The following CACNA2D2 variants were observed in gnomAD, a reference collection of about 807,000 sequenced individuals.
The protein encoded by CACNA2D2 is voltage-dependent calcium channel subunit alpha-2/delta-2.
In CACNA2D2, 48 loss-of-function variants were observed where a neutral mutation model predicts 166.4. The ratio of observed to expected loss-of-function variants is 0.29; its 90% confidence interval spans 0.23 to 0.37. CACNA2D2 has a LOEUF of 0.37. CACNA2D2 is among the 10% of genes least tolerant of loss of function. The pLI is 1.00. For synonymous variants in CACNA2D2, 561 were observed against 573.7 expected (o/e 0.98, Z 0.32); for missense variants, 1,122 against 1,433.0 (o/e 0.78, Z 3.50).
intron 2 of CACNA2D2, among the ~76,000 whole-genome samples, chr3:50,465,165 C>T (rs922109645): frequency 1.3e-5 from 2 of 152,164 alleles, no homozygotes; most frequent in African/African-American, 2.4e-5. Flanking sequence ...TGCAGCTGCC[C>T]GGGAGGTGGC....
chr3:50,444,747 T>A (rs1472783294), intron 2 of CACNA2D2, among the ~76,000 whole-genome samples: 2 of 152,096 alleles, frequency 1.3e-5, no homozygotes. Flanking sequence ...AAACATGAGA[T>A]CTTAGCATGG....
intron 1 of CACNA2D2, among the ~76,000 whole-genome samples, chr3:50,487,941 G>A (rs1310515221): frequency 3.3e-5 from 5 of 152,168 alleles, no homozygotes; most frequent in African/African-American, 7.2e-5. Flanking sequence ...ATGCAGGCCT[G>A]TCCTTGGGAG....
At chr3:50,373,048 G>A (rs1162257288) in intron 22 of CACNA2D2, 2 of 1,533,954 alleles carry the variant, frequency 1.3e-6, no homozygotes, top group East Asian at 2.5e-5. Flanking sequence ...GGGTGCACTG[G>A]TTCTGAATAT....
At chr3:50,482,132 T>A (rs967745748) in intron 1 of CACNA2D2, among the ~76,000 whole-genome samples, 1 of 152,144 alleles carries the variant, frequency 6.6e-6, no homozygotes, top group Non-Finnish European at 1.5e-5. Context: ...AGCAGGCCAC[T>A]CCCCCATCCC....
chr3:50,467,830 G>A (rs147416698), intron 2 of CACNA2D2, among the ~76,000 whole-genome samples: 43 of 152,306 alleles, frequency 2.8e-4, no homozygotes, highest in African/African-American at 8.4e-4. Flanking sequence ...TTATGGCTCC[G>A]TAACTTTCTC....
At chr3:50,417,077 G>A (rs1442472485) in intron 3 of CACNA2D2, among the ~76,000 whole-genome samples, 1 of 152,208 alleles carries the variant, frequency 6.6e-6, no homozygotes, top group Non-Finnish European at 1.5e-5. Flanking sequence ...ACTTGTGGGT[G>A]CCTGAAGCAT....
chr3:50,442,583 G>A (rs551089661), intron 2 of CACNA2D2, among the ~76,000 whole-genome samples: 2 of 152,294 alleles, frequency 1.3e-5, no homozygotes, highest in Non-Finnish European at 2.9e-5. Flanking sequence ...ACTGCTGAGT[G>A]GCACTCAGAC....
At chr3:50,468,315 G>T (rs1337612786) in intron 2 of CACNA2D2, among the ~76,000 whole-genome samples, 1 of 150,838 alleles carries the variant, frequency 6.6e-6, no homozygotes, top group African/African-American at 2.4e-5. Flanking sequence ...CTGATCTCCC[G>T]CTGTCCTGCT....
chr3:50,396,618 T>G (rs1033131731), intron 3 of CACNA2D2, among the ~76,000 whole-genome samples: 9 of 152,176 alleles, frequency 5.9e-5, no homozygotes, highest in Non-Finnish European at 1.3e-4. Context: ...ACTGTGTGAC[T>G]TGTACGGTTC....
At position 50,379,303 on chromosome 3, in the gene CACNA2D2, A is replaced by G. The variant is rs1033270222; in HGVS notation, c.1153-104T>C. The stretch of plus-strand genomic sequence containing the variant: ...TGGACCTCTGGCCCTCCTCCCCCAC[A>G]GCAGATGGAGCTATCTGTCCAAGCT... On this transcript the variant is annotated intron_variant, in intron 11 of 37. Coordinates refer to ENST00000424201, the MANE Select transcript of CACNA2D2 (RefSeq NM_006030.4). This position sits in a 1 kb window ranked among gnomAD's most constrained non-coding sequence, Gnocchi z 6.5. 7.0e-7 allele frequency: 1 copy of G among 1,434,446 alleles called. No individual in the cohort carries two copies. The highest frequency in any genetic ancestry group is 1.4e-5 in the African/African-American group (1 of 71,244). 88.9% of individuals were successfully genotyped at this position (1,434,446 alleles called of 1,614,324 possible).
chr3:50,422,480 T>A (rs1438545637), intron 3 of CACNA2D2, among the ~76,000 whole-genome samples: 1 of 152,166 alleles, frequency 6.6e-6, no homozygotes, highest in Non-Finnish European at 1.5e-5. Context: ...TTTCACAGAA[T>A]CTCAAAGTGG....
chr3:50,485,383 T>C (rs1698234442), intron 1 of CACNA2D2, among the ~76,000 whole-genome samples: 1 of 152,190 alleles, frequency 6.6e-6, no homozygotes, highest in Non-Finnish European at 1.5e-5. Flanking sequence ...TTCAAACTGC[T>C]CCAGCAGCAA....
At chr3:50,473,512 C>G (rs562097709) in intron 2 of CACNA2D2, among the ~76,000 whole-genome samples, 1 of 152,342 alleles carries the variant, frequency 6.6e-6, no homozygotes, top group Non-Finnish European at 1.5e-5. Context: ...AGGGGCAGCC[C>G]CACTGGGGGC....
chr3:50,363,610 G>C lies in CACNA2D2; in HGVS notation c.*1056C>G, dbSNP rs1704048617. 1 of 240,544 alleles carries C rather than the reference G, an allele frequency of 4.2e-6. No individual in the cohort carries two copies. The highest frequency in any genetic ancestry group is 2.2e-5 in the African/African-American group (1 of 44,704). The allele number at this position is 240,544 out of a possible 1,614,324, so 14.9% of individuals were successfully genotyped here. A position where few individuals can be genotyped will look rare whatever the true frequency, so the allele number is the denominator to read the frequency against. Reference sequence around the variant, plus strand: ...TAAGGGCCAGATTGGCGGAAGGATGGCCCAGCCAGGAGAGACAAAGTCACC... The same window carrying C: ...TAAGGGCCAGATTGGCGGAAGGATGCCCCAGCCAGGAGAGACAAAGTCACC... On this transcript the variant is annotated 3_prime_UTR_variant, in exon 38 of 38. Transcript: ENST00000424201.
At chr3:50,410,403 G>A (rs991689722) in intron 3 of CACNA2D2, among the ~76,000 whole-genome samples, 1 of 152,136 alleles carries the variant, frequency 6.6e-6, no homozygotes, top group Non-Finnish European at 1.5e-5. Flanking sequence ...AGGCAGTGAG[G>A]CTAAGCACAG....
rs908859287 is a variant in CACNA2D2 at position 50,387,403 on chromosome 3, G to C, written c.510+165C>G. 3.9e-5 allele frequency among the ~76,000 whole-genome samples: 6 copies of C among 152,198 alleles called. No homozygotes were observed. In the East Asian group the frequency reaches 7.7e-4, roughly 20 times the overall value. On this transcript the variant is annotated intron_variant, in intron 5 of 37. Coordinates refer to ENST00000424201, the MANE Select transcript of CACNA2D2 (RefSeq NM_006030.4). ...AGTGCACAGAGATGCAGCCCTGGAG[G>C]GGTCCGGACTTCTAGGGAGTTGTGG...
chr3:50,482,589 G>A (rs1345776037), intron 1 of CACNA2D2, among the ~76,000 whole-genome samples: 2 of 152,172 alleles, frequency 1.3e-5, no homozygotes, highest in African/African-American at 4.8e-5. Flanking sequence ...CACACTCATG[G>A]CACACAGGTC....
Position 50,476,146 on chromosome 3 carries a change from A to C in CACNA2D2, c.260T>G (p.Ile87Ser), listed in dbSNP as rs369985959. 3.7e-6 allele frequency: 6 copies of C among 1,603,072 alleles called. No individual in the cohort carries two copies. In the African/African-American group the frequency reaches 6.7e-5, roughly 18 times the overall value. ...ACGGAGCTGCTGGACGCCTCCAAAA[A>C]TCCGCATCACGCCGTCGACCTCCTG... ...LEQEVDGVMRIFGGVQQLREI... is the reference protein window; with the variant it reads ...LEQEVDGVMRSFGGVQQLREI... The change falls in exon 2 of 38, where the codon ATT becomes AGT. Residue 87 changes from isoleucine to serine, a missense_variant. Coordinates refer to ENST00000424201, the MANE Select transcript of CACNA2D2 (RefSeq NM_006030.4).
At chr3:50,401,257 G>T (rs1203047001) in intron 3 of CACNA2D2, among the ~76,000 whole-genome samples, 1 of 152,110 alleles carries the variant, frequency 6.6e-6, no homozygotes, top group African/African-American at 2.4e-5. Context: ...TTAGTAAAAT[G>T]GATTTTTTTT....
Sources: gnomAD v4.1 joint callset for allele counts (sites outside exome capture counted in the v4.1 genomes callset) on GRCh38, gnomAD v4.1.1 for gene constraint, Gnocchi (gnomAD v3.1) non-coding constraint, MANE v1.5 for transcripts, NCBI Gene and HGNC (gene_info 2026-07-23, HGNC 2026-07-21) for gene names.